Variants in PPL observed in about 807,000 individuals in gnomAD.
PPL encodes 190 kDa paraneoplastic pemphigus antigen.
Under a neutral mutation model 194.4 loss-of-function variants are expected in PPL, and 198 were observed. The ratio of observed to expected loss-of-function variants is 1.02; its 90% CI spans 0.91 to 1.15. The LOEUF (loss-of-function observed/expected upper bound fraction) is 1.15. PPL is among the 50% of genes most tolerant of loss of function. PPL has a pLI of 0.00. For synonymous variants in PPL, 1,220 were observed against 972.4 expected (o/e 1.25, Z -4.74); for missense variants, 2,885 against 2,294.8 (o/e 1.26, Z -5.25).
rs147155394 is a variant in PPL at position 4,890,484 on chromosome 16, G to A, written c.2163-150C>T. On this transcript the variant is annotated intron_variant, in intron 17 of 21. Coordinates refer to ENST00000345988, the MANE Select transcript of PPL (RefSeq NM_002705.5). ...ACAGGGTGGGTGGTCATTAGGGAAC[G>A]TCAGGTTGGACTGTGGAGAACCAGG... 2.3e-3 allele frequency: 2,576 copies of A among 1,143,324 alleles called. 8 individuals are homozygous for A. The highest frequency in any genetic ancestry group is 2.9e-3 in the Non-Finnish European group (2,373 of 830,946). 70.8% of individuals were successfully genotyped at this position (1,143,324 alleles called of 1,614,324 possible).
At chr16:4,910,318 G>GTCC (rs1234824604) in intron 2 of PPL, among the ~76,000 whole-genome samples, 1 of 152,166 alleles carries the variant, frequency 6.6e-6, no homozygotes, top group African/African-American at 2.4e-5. Context: ...TAATAGCCCT[G>GTCC]TCCTATACCT....
chr16:4,883,416 C>T lies in PPL; in HGVS notation c.5239G>A (p.Glu1747Lys), dbSNP rs151278541. 4.0e-5 allele frequency: 65 copies of T among 1,614,060 alleles called. 1 individual carries two copies. In the African/African-American group the frequency reaches 6.5e-4, roughly 16 times the overall value. Residue 1747 changes from glutamate to lysine, a missense_variant, in exon 22 of 22, where the codon GAG becomes AAG. Physicochemically the swap from Glu to Lys is moderately conservative, Grantham distance 56. Transcript: ENST00000345988. The surrounding 1 kb of genome is among the most constrained non-coding windows in gnomAD (Gnocchi z 4.8). ...TGCCCAGATACCAAGACCGCCAGCT[C>T]CTGGATGGACATATCCTTGTTGACA... ...RYVNKDMSIQ[E>K]LAVLVSGQK
In PPL at chr16:4,904,023, C is replaced by T. The variant is rs747956752; in HGVS notation, c.180G>A (p.Gln60=). 4 of 1,612,254 alleles carry T rather than the reference C, an allele frequency of 2.5e-6. No individual in the cohort carries two copies. The South Asian group carries it at 4.4e-5, about 18-fold the overall frequency. ...CCCGGTGCTCAGGCTGCCGACCCTC[C>T]TGCAGCCGAGCCAGGTCCTGTGAGG... ...AKMQSDLARL[Q]EGRQPEHRDV... Residue 60 remains glutamine (Q), a synonymous_variant, in exon 3 of 22, where the codon CAG becomes CAA. Transcript: ENST00000345988.
intron 2 of PPL, among the ~76,000 whole-genome samples, chr16:4,908,448 C>CAT (rs2088749219): frequency 6.6e-6 from 1 of 152,002 alleles, no homozygotes; most frequent in Non-Finnish European, 1.5e-5. Context: ...CTCTCTCTCA[C>CAT]ACACATACAC....
chr16:4,890,388 G>GCCCTCATTTTT, intron 17 of PPL, 54 bp from the exon 18 acceptor site: 1 of 1,503,124 alleles, frequency 6.7e-7, no homozygotes, highest in Non-Finnish European at 8.8e-7. Context: ...GCCTCACCGA[G>GCCCTCATTTTT]CCCTCATTTT....
rs758473847 is a variant in PPL at position 4,884,919 on chromosome 16, T to A, written c.3736A>T (p.Lys1246Ter). 2 of 1,614,122 alleles carry A rather than the reference T, an allele frequency of 1.2e-6. No homozygotes were observed. Among genetic ancestry groups the A allele is most frequent in the Non-Finnish European group, 1.7e-6 (2 of 1,180,028 alleles). Residue 1246 changes from lysine to a stop codon, truncating the protein, a stop_gained, in exon 22 of 22, where the codon AAG (lysine) becomes TAG (stop). Coordinates refer to ENST00000345988, the MANE Select transcript of PPL (RefSeq NM_002705.5). LOFTEE classifies it high-confidence loss of function. The surrounding 1 kb of genome is among the most constrained non-coding windows in gnomAD (Gnocchi z 5.7). ...IKYKTDPEMEKELQRLREEIV... is the reference protein window; with the variant it reads ...IKYKTDPEME ...TCCTCCCTGAGCCGCTGAAGCTCCT[T>A]CTCCATCTCAGGGTCAGTCTTGTAC... is the stretch of plus-strand genomic sequence containing the variant.
In PPL at chr16:4,885,268, C is replaced by T. The variant is rs2142326069; in HGVS notation, c.3387G>A (p.Glu1129=). 6.2e-7 allele frequency: 1 copy of T among 1,612,334 alleles called. No individual in the cohort carries two copies. The highest frequency in any genetic ancestry group is 8.5e-7 in the Non-Finnish European group (1 of 1,180,002). Residue 1129 remains glutamate, a synonymous_variant, in exon 22 of 22, where the codon GAG becomes GAA. Coordinates refer to ENST00000345988, the MANE Select transcript of PPL (RefSeq NM_002705.5). This position sits in a 1 kb window ranked among gnomAD's most constrained non-coding sequence, Gnocchi z 6.3. ...KVEKDAATER[E]VSDLTRQYED... ...CATATTGGCGGGTGAGATCGCTGACCTCCCTCTCGGTGGCCGCGTCCTTCT... is the reference window on the plus strand; with the variant it reads ...CATATTGGCGGGTGAGATCGCTGACTTCCCTCTCGGTGGCCGCGTCCTTCT...
chr16:4,885,452 G>T lies in PPL; in HGVS notation c.3203C>A (p.Ala1068Glu), dbSNP rs1470023721. ...VKLQNDPQLEAEYQQLQEDHQ... is the reference protein window; with the variant it reads ...VKLQNDPQLEEEYQQLQEDHQ... ...GTCCTCCTGCAGCTGCTGGTACTCT[G>T]CCTCCAGCTGGGGGTCATTCTGCAG... The change falls in exon 22 of 22, where the codon GCA becomes GAA. Residue 1068 changes from alanine to glutamate, a missense_variant. Ala to Glu is a moderately radical substitution (Grantham distance 107). Transcript: ENST00000345988. The surrounding 1 kb of genome is among the most constrained non-coding windows in gnomAD (Gnocchi z 6.3). The T allele has an allele frequency of 6.2e-7, 1 of 1,611,978 alleles. No homozygotes were observed. The highest frequency in any genetic ancestry group is 1.3e-5 in the African/African-American group (1 of 74,770).
intron 10 of PPL, 39 bp downstream of exon 10, chr16:4,895,555 C>A: frequency 6.2e-7 from 1 of 1,612,780 alleles, no homozygotes; most frequent in South Asian, 1.1e-5. Flanking sequence ...AGGGGTCCCC[C>A]GCCCCCCGGG....
rs758921411 is a variant in PPL, at chr16:4,902,979, G to A, written c.318-453C>T. On this transcript the variant is annotated intron_variant, in intron 3 of 21. Coordinates refer to ENST00000345988, the MANE Select transcript of PPL (RefSeq NM_002705.5). The surrounding 1 kb of genome is among the most constrained non-coding windows in gnomAD (Gnocchi z 4.0). ...GCTGGGATCACAGGCGTGAGCCACC[G>A]TGCCTGGCCCCACCCACTTTCCCTC... 1.3e-5 allele frequency among the ~76,000 whole-genome samples: 2 copies of A among 152,130 alleles called. No homozygotes were observed. The highest frequency in any genetic ancestry group is 2.1e-4 in the South Asian group (1 of 4,828).
At position 4,885,810 on chromosome 16, in the gene PPL, T is replaced by C; in HGVS notation, c.2845A>G (p.Ser949Gly). The C allele has an allele frequency of 6.2e-7, 1 of 1,608,728 alleles. No homozygotes were observed. The highest frequency in any genetic ancestry group is 2.2e-5 in the East Asian group (1 of 44,852). ...AGCGTCCGCTGCAGCTGCTGGAAGCTCTCCTCCAGCACGGGATCCGGCACC... is the reference window on the plus strand; with the variant it reads ...AGCGTCCGCTGCAGCTGCTGGAAGCCCTCCTCCAGCACGGGATCCGGCACC... ...KKVPDPVLEE[S>G]FQQLQRTLAE... The change falls in exon 22 of 22, where the codon AGC becomes GGC. Residue 949 changes from serine to glycine, a missense_variant. Coordinates refer to ENST00000345988, the MANE Select transcript of PPL (RefSeq NM_002705.5). The surrounding 1 kb of genome is among the most constrained non-coding windows in gnomAD (Gnocchi z 6.3).
At chr16:4,900,181 T>C (rs7199822) in intron 6 of PPL, among the ~76,000 whole-genome samples, 142,787 of 152,242 alleles carry the variant, frequency 0.94, 67,674 homozygotes, top group East Asian at 1. Flanking sequence ...GCATAACACT[T>C]ATGCAATTTT....
At chr16:4,900,241 G>A (rs1011222849) in intron 6 of PPL, among the ~76,000 whole-genome samples, 2 of 152,090 alleles carry the variant, frequency 1.3e-5, no homozygotes, top group African/African-American at 4.8e-5. Flanking sequence ...GAAAGCTTTT[G>A]TATAGAAAGC....
chr16:4,890,682 C>T (rs370917522), intron 17 of PPL, 46 bp downstream of exon 17: 33 of 1,548,860 alleles, frequency 2.1e-5, no homozygotes, highest in African/African-American at 8.3e-5. Context: ...GGAATTAGAT[C>T]GCATTCTCAG....
intron 1 of PPL, among the ~76,000 whole-genome samples, chr16:4,914,240 A>G (rs1208538661): frequency 6.6e-6 from 1 of 152,184 alleles, no homozygotes; most frequent in Non-Finnish European, 1.5e-5. Context: ...GATGCTCCCC[A>G]GATCAAGGTT....
At chr16:4,892,861 C>A in intron 14 of PPL, 1 of 205,722 alleles carries the variant, frequency 4.9e-6, no homozygotes, top group Non-Finnish European at 9.7e-6. Context: ...ACCCATCCTA[C>A]TGAAGACACT....
At chr16:4,929,384 G>C (rs1471650892) in intron 1 of PPL, among the ~76,000 whole-genome samples, 1 of 152,086 alleles carries the variant, frequency 6.6e-6, no homozygotes, top group African/African-American at 2.4e-5. Context: ...CCAGGACTCA[G>C]GGCTTGCCTG....
intron 2 of PPL, among the ~76,000 whole-genome samples, chr16:4,907,343 CACACACACACACG>C (rs1334605525): frequency 3.2e-4 from 36 of 113,234 alleles, no homozygotes; most frequent in Middle Eastern, 4.4e-3. Flanking sequence ...CACACACACA[CACACACACACACG>C]GACAGATACA....
intron 2 of PPL, among the ~76,000 whole-genome samples, chr16:4,909,618 G>A (rs1021726557): frequency 2.6e-5 from 4 of 151,938 alleles, no homozygotes; most frequent in African/African-American, 4.8e-5. Context: ...GTAGAGATGA[G>A]GTTTCACCAC....
Sources: gnomAD v4.1 joint callset for allele counts (sites outside exome capture counted in the v4.1 genomes callset) on GRCh38, gnomAD v4.1.1 for gene constraint, Gnocchi (gnomAD v3.1) non-coding constraint, MANE v1.5 for transcripts, NCBI Gene and HGNC (gene_info 2026-07-23, HGNC 2026-07-21) for gene names.